The following PTK2B variants were observed in gnomAD, a reference collection of about 807,000 sequenced individuals.
PTK2B encodes protein-tyrosine kinase 2-beta.
PTK2B carries 71 observed loss-of-function variants against 142.9 expected under a neutral mutation model. The observed-to-expected ratio is 0.50, with a 90% confidence interval of 0.41 to 0.61. PTK2B has a LOEUF of 0.61. PTK2B is among the 20% of genes least tolerant of loss of function. The pLI is 0.00. For missense variants in PTK2B, 1,105 were observed against 1,320.4 expected, an observed-to-expected ratio of 0.84 and a Z score of 2.53; for synonymous variants, 519 against 503.4, an observed-to-expected ratio of 1.03 and a Z score of -0.42.
chr8:27,359,122 A>G (rs1009091280), intron 1 of PTK2B, among the ~76,000 whole-genome samples: 4 of 152,100 alleles, frequency 2.6e-5, no homozygotes, highest in Middle Eastern at 3.4e-3. Flanking sequence ...GCAAATATAT[A>G]TATTTTTGAA....
chr8:27,312,617 C>A (rs1398431584), intron 2 of PTK2B, among the ~76,000 whole-genome samples: 2 of 152,166 alleles, frequency 1.3e-5, no homozygotes, highest in African/African-American at 4.8e-5. Context: ...GAAAACAATA[C>A]CCCAAAATGG....
chr8:27,450,634 C>G, intron 24 of PTK2B, 115 bp from the exon 25 acceptor site: 2 of 1,312,742 alleles, frequency 1.5e-6, no homozygotes, highest in Non-Finnish European at 2.1e-6. Flanking sequence ...GAGAAAAAAG[C>G]AGCTGGCCAG....
chr8:27,361,313 G>C (rs773329520), intron 1 of PTK2B, among the ~76,000 whole-genome samples: 91 of 152,196 alleles, frequency 6.0e-4, no homozygotes, highest in Non-Finnish European at 7.1e-4. Flanking sequence ...CGAACTCCTG[G>C]GCTCAGGTGA....
chr8:27,378,388 G>T (rs1223656581), intron 1 of PTK2B, among the ~76,000 whole-genome samples: 2 of 152,190 alleles, frequency 1.3e-5, no homozygotes, highest in Non-Finnish European at 2.9e-5. Flanking sequence ...AACCACTTCA[G>T]GAGCTGAACG....
rs999561970 is a variant in PTK2B, at chr8:27,430,261, C to T, written c.615-103C>T. 29 of 1,579,664 alleles carry T rather than the reference C, an allele frequency of 1.8e-5. No homozygotes were observed. In the Admixed American group the frequency reaches 3.8e-4, roughly 21 times the overall value. On this transcript the variant is annotated intron_variant, in intron 6 of 30. Transcript: ENST00000346049. ...TCCCCAGACCAGAGCCACATAGGGC[C>T]GTCTCTAGGTCCCAAAGCCCTCTCA... is the stretch of plus-strand genomic sequence containing the variant.
At chr8:27,311,338 C>T (rs1586063264), upstream of PTK2B, 3 of 1,352,674 alleles carry the variant, frequency 2.2e-6, no homozygotes, top group Non-Finnish European at 2.9e-6. Flanking sequence ...CGCCCAGTCC[C>T]TTCCCCTGGA....
At position 27,346,324 on chromosome 8, in the gene PTK2B, C is replaced by T. The variant is rs926167521; in HGVS notation, c.-38+20643C>T. 2.6e-5 allele frequency among the ~76,000 whole-genome samples: 4 copies of T among 152,126 alleles called. No individual in the cohort carries two copies. The East Asian group carries it at 7.7e-4, about 29-fold the overall frequency. On this transcript the variant is annotated intron_variant, in intron 1 of 30. Coordinates refer to ENST00000346049, the MANE Select transcript of PTK2B (RefSeq NM_173176.3). Reference sequence around the variant, plus strand: ...GCTGAGGTAGGCAGATCGTTTGAACCAGGAGTTCAAGACTAGCCTGGGCAA... The same window carrying T: ...GCTGAGGTAGGCAGATCGTTTGAACTAGGAGTTCAAGACTAGCCTGGGCAA...
At chr8:27,422,160 C>A in intron 4 of PTK2B, 144 bp from the exon 5 acceptor site, 1 of 710,562 alleles carries the variant, frequency 1.4e-6, no homozygotes, top group Non-Finnish European at 2.2e-6. Flanking sequence ...TCGTGCTCTC[C>A]ATCCCTGCTC....
rs528937993 is a variant in PTK2B, at chr8:27,440,017, CAG to C, written c.1835-219_1835-218del. Among the ~76,000 whole-genome samples the C allele has an allele frequency of 2.3e-4, 35 of 152,300 alleles. No individual in the cohort carries two copies. In the South Asian group the frequency reaches 6.2e-3, roughly 27 times the overall value. On this transcript the variant is annotated intron_variant, in intron 20 of 30. Coordinates refer to ENST00000346049, the MANE Select transcript of PTK2B (RefSeq NM_173176.3). Reference sequence around the variant, plus strand: ...ACCTCTTGATCCTGCAGCACCCTGACAGGGGTCTAGCGAGCAAGGCCTTAGGT... The same window carrying C: ...ACCTCTTGATCCTGCAGCACCCTGACGGGTCTAGCGAGCAAGGCCTTAGGT...
chr8:27,372,371 G>A (rs1806412418), intron 1 of PTK2B, among the ~76,000 whole-genome samples: 1 of 152,204 alleles, frequency 6.6e-6, no homozygotes. Context: ...CCCAGGAAGA[G>A]TTAATGTTTC....
intron 5 of PTK2B, among the ~76,000 whole-genome samples, chr8:27,429,558 T>G (rs979752278): frequency 3.9e-5 from 6 of 152,224 alleles, no homozygotes; most frequent in Non-Finnish European, 8.8e-5. Flanking sequence ...AGTAAAATAT[T>G]AATAGCTGCC....
intron 1 of PTK2B, among the ~76,000 whole-genome samples, chr8:27,333,927 C>G (rs1218512653): frequency 6.6e-6 from 1 of 151,580 alleles, no homozygotes; most frequent in Non-Finnish European, 1.5e-5. Context: ...TTCTTCAATG[C>G]TGTATCTCAG....
In PTK2B at chr8:27,458,622, T is replaced by A. The variant is rs1812306359; in HGVS notation, c.*113T>A. 3 of 1,113,280 alleles carry A rather than the reference T, an allele frequency of 2.7e-6. No individual in the cohort carries two copies. The highest frequency in any genetic ancestry group is 1.6e-5 in the African/African-American group (1 of 64,424). 69.0% of individuals were successfully genotyped at this position (1,113,280 alleles called of 1,614,324 possible). A position where few individuals can be genotyped will look rare whatever the true frequency, so the allele number is the denominator to read the frequency against. ...GGGGGAAGGCCAAGGGGAGTCACCTTCCCTTGCCACTTTGCACGACGCCCT... is the reference window on the plus strand; with the variant it reads ...GGGGGAAGGCCAAGGGGAGTCACCTACCCTTGCCACTTTGCACGACGCCCT... On this transcript the variant is annotated 3_prime_UTR_variant, in exon 31 of 31. Transcript: ENST00000346049.
chr8:27,430,144 C>G lies in PTK2B; in HGVS notation c.603C>G (p.Phe201Leu), dbSNP rs145177380. ...PHNALDKKSN[F>L]ELLEKEVGLD... ...ATGCACTTGACAAGAAGTCCAACTT[C>G]GAGCTCCTAGAGTAAGTTCTGGGAT... The change falls in exon 6 of 31, where the codon TTC becomes TTG. Residue 201 changes from phenylalanine (F) to leucine (L), a missense_variant. Coordinates refer to ENST00000346049, the MANE Select transcript of PTK2B (RefSeq NM_173176.3). The G allele has an allele frequency of 1.2e-6, 2 of 1,613,528 alleles. No individual in the cohort carries two copies. The highest frequency in any genetic ancestry group is 1.7e-5 in the Admixed American group (1 of 60,020).
intron 2 of PTK2B, among the ~76,000 whole-genome samples, chr8:27,400,324 T>A (rs1373624033): frequency 1.3e-5 from 2 of 152,130 alleles, no homozygotes; most frequent in Non-Finnish European, 2.9e-5. Context: ...GAGGTGATAT[T>A]TTCTTAAATA....
chr8:27,388,939 C>T (rs1807541464), intron 1 of PTK2B, among the ~76,000 whole-genome samples: 1 of 152,190 alleles, frequency 6.6e-6, no homozygotes, highest in Non-Finnish European at 1.5e-5. Context: ...GGTCTCATTT[C>T]CCAATGACCC....
chr8:27,311,381 C>CG (rs928837713), upstream of PTK2B: 84 of 1,025,606 alleles, frequency 8.2e-5, no homozygotes, highest in Middle Eastern at 3.8e-3. Flanking sequence ...GCCAATCGTG[C>CG]GGGGGGGATG....
chr8:27,456,510 T>A (rs1315413889), intron 30 of PTK2B, among the ~76,000 whole-genome samples: 2 of 152,188 alleles, frequency 1.3e-5, no homozygotes, highest in Admixed American at 1.3e-4. Context: ...ACCATGCATT[T>A]CCCTATCCTC....
intron 27 of PTK2B, 72 bp from the exon 28 acceptor site, chr8:27,453,042 A>T: frequency 1.3e-6 from 2 of 1,553,436 alleles, no homozygotes; most frequent in East Asian, 2.2e-5. Context: ...GGCTCATTTG[A>T]TGTCAGCAGG....
Sources: gnomAD v4.1 joint callset for allele counts (sites outside exome capture counted in the v4.1 genomes callset) on GRCh38, gnomAD v4.1.1 for gene constraint, MANE v1.5 for transcripts, NCBI Gene and HGNC (gene_info 2026-07-23, HGNC 2026-07-21) for gene names.